The following EIF4G1 variants were observed in gnomAD, a reference collection of about 807,000 sequenced individuals.
EIF4G1 encodes eukaryotic translation initiation factor 4 gamma 1.
EIF4G1 carries 4 observed loss-of-function variants against 187.8 expected under a neutral mutation model. That is an observed-to-expected ratio of 0.02 (90% CI 0.01 to 0.05). The LOEUF (loss-of-function observed/expected upper bound fraction) is 0.05, where lower values mean the gene tolerates loss of function less well. Among genes scored for constraint, EIF4G1 ranks in the 10% least tolerant of loss-of-function variants. EIF4G1 has a pLI of 1.00. For missense variants in EIF4G1, 1,647 were observed against 2,081.1 expected, an observed-to-expected ratio of 0.79 and a Z score of 4.06; for synonymous variants, 844 against 781.4, an observed-to-expected ratio of 1.08 and a Z score of -1.34.
chr3:184,316,850 AG>A, intron 4 of EIF4G1: 2 of 1,149,788 alleles, frequency 1.7e-6, no homozygotes, highest in Non-Finnish European at 2.5e-6. Context: ...TTTGGTGTCC[AG>A]GTTCTCAGTT....
rs375674416 is a variant in EIF4G1 at position 184,331,246 on chromosome 3, G to A, written c.4162-20G>A. 6.2e-7 allele frequency: 1 copy of A among 1,613,812 alleles called. No individual in the cohort carries two copies. ...GAGAGAGAGAGCTTTGGTAAGCTGG[G>A]TTGGTCTTGTGTTTTCCAGGGTCCT... On this transcript the variant is annotated intron_variant, in intron 28 of 32. Coordinates refer to ENST00000346169, the MANE Select transcript of EIF4G1 (RefSeq NM_198241.3).
intron 4 of EIF4G1, chr3:184,316,849 C>A: frequency 8.7e-7 from 1 of 1,146,920 alleles, no homozygotes; most frequent in Non-Finnish European, 1.3e-6. Context: ...GTTTGGTGTC[C>A]AGGTTCTCAG....
rs533086445 is a variant in EIF4G1, at chr3:184,315,347, G to T, written c.-91-142G>T. The T allele has an allele frequency of 2.3e-5, 12 of 519,332 alleles. No individual in the cohort carries two copies. The Admixed American group carries it at 2.3e-4, about 10-fold the overall frequency. The allele number at this position is 519,332 out of a possible 1,614,324, so 32.2% of individuals were successfully genotyped here. A position where few individuals can be genotyped will look rare whatever the true frequency, so the allele number is the denominator to read the frequency against. On this transcript the variant is annotated intron_variant, in intron 1 of 32. Transcript: ENST00000346169. The stretch of plus-strand genomic sequence containing the variant: ...CCAGGCCCGAACCCGGTGTCCCCGG[G>T]TGGGGGGTGGGGACGCCACGGCCGA...
Position 184,328,013 on chromosome 3 carries a change from C to T in EIF4G1, c.3953+11C>T. ...TCAGTACTACCAAGGGTATGACCAG[C>T]TTCTCTGGGCCTCCCACTTATACAG... On this transcript the variant is annotated intron_variant, in intron 26 of 32. Coordinates refer to ENST00000346169, the MANE Select transcript of EIF4G1 (RefSeq NM_198241.3). 3 of 1,601,722 alleles carry T rather than the reference C, an allele frequency of 1.9e-6. No individual in the cohort carries two copies. The highest frequency in any genetic ancestry group is 2.5e-6 in the Non-Finnish European group (3 of 1,179,896).
rs1472299805 is a variant in EIF4G1, at chr3:184,331,351, T to A, written c.4247T>A (p.Phe1416Tyr). The A allele has an allele frequency of 6.2e-7, 1 of 1,614,234 alleles. No homozygotes were observed. Among genetic ancestry groups the A allele is most frequent in the South Asian group, 1.1e-5 (1 of 91,086 alleles). ...CCTGAAGGCCAGGACATTGGTGCAT[T>A]CGTCGCTGAACAGGTTTGGGGATGG... ...FLPEGQDIGAFVAEQKVEYTL... is the reference protein window; with the variant it reads ...FLPEGQDIGAYVAEQKVEYTL... Residue 1416 changes from phenylalanine to tyrosine, a missense_variant, in exon 29 of 33, where the codon TTC (phenylalanine) becomes TAC (tyrosine). Phe to Tyr is a conservative substitution (Grantham distance 22). This residue lies in a region of EIF4G1 where 543 missense variants were observed against 638.0 expected (regional missense o/e 0.85). Transcript: ENST00000346169.
At chr3:184,318,317 CA>C (rs1723142735) in intron 6 of EIF4G1, among the ~76,000 whole-genome samples, 1 of 152,162 alleles carries the variant, frequency 6.6e-6, no homozygotes, top group Non-Finnish European at 1.5e-5. Context: ...TTGTCAAAAA[CA>C]AGTGGAATTT....
intron 28 of EIF4G1, 38 bp downstream of exon 28, chr3:184,329,028 G>C (rs763296886): frequency 6.2e-7 from 1 of 1,612,372 alleles, no homozygotes; most frequent in South Asian, 1.1e-5. Context: ...GCCTCCCACG[G>C]TGTGGTTTTG....
In EIF4G1 at chr3:184,322,733, A is replaced by G. The variant is rs981037329; in HGVS notation, c.1795+3A>G. On this transcript the variant is annotated splice_donor_region_variant and intron_variant, in intron 12 of 32. Coordinates refer to ENST00000346169, the MANE Select transcript of EIF4G1 (RefSeq NM_198241.3). ...ACAGAAGTATGAATATAAGTCAGGTATGCTGAAGAAAGGGTTGAGAATGGC... is the reference window on the plus strand; with the variant it reads ...ACAGAAGTATGAATATAAGTCAGGTGTGCTGAAGAAAGGGTTGAGAATGGC... The G allele has an allele frequency of 1.9e-6, 3 of 1,614,150 alleles. No individual in the cohort carries two copies. Among genetic ancestry groups the G allele is most frequent in the African/African-American group, 2.7e-5 (2 of 74,946 alleles).
At chr3:184,324,081 C>G (rs1344933241) in intron 16 of EIF4G1, 104 bp downstream of exon 16, 1 of 1,605,614 alleles carries the variant, frequency 6.2e-7, no homozygotes, top group Admixed American at 1.7e-5. Flanking sequence ...TGTGCCTCTT[C>G]CAGCTGGAAG....
At position 184,314,623 on chromosome 3, in the gene EIF4G1, A is replaced by G. The variant is rs983782891; in HGVS notation, c.-143A>G. On this transcript the variant is annotated 5_prime_UTR_variant, in exon 1 of 33. Coordinates refer to ENST00000346169, the MANE Select transcript of EIF4G1 (RefSeq NM_198241.3). ...GGGGAGCCGGAAATGGTTGTGGACT[A>G]CGTCTGTGCGGCTGCGTGGGGCTCG... is the stretch of plus-strand genomic sequence containing the variant. The G allele has an allele frequency of 6.6e-6, 1 of 151,884 alleles. No individual in the cohort carries two copies. The highest frequency in any genetic ancestry group is 1.5e-5 in the Non-Finnish European group (1 of 67,932). The allele number at this position is 151,884 out of a possible 1,614,324, so 9.4% of individuals were successfully genotyped here. A position where few individuals can be genotyped will look rare whatever the true frequency, so the allele number is the denominator to read the frequency against.
chr3:184,314,843 C>T (rs1016528134), intron 1 of EIF4G1, among the ~76,000 whole-genome samples, 169 bp downstream of exon 1: 4 of 149,896 alleles, frequency 2.7e-5, no homozygotes, highest in African/African-American at 9.8e-5. Context: ...CCCACGTGTG[C>T]CTGGCCCGGC....
chr3:184,332,093 G>A lies in EIF4G1; in HGVS notation c.4618+7G>A. On this transcript the variant is annotated splice_region_variant and intron_variant, in intron 32 of 32. Coordinates refer to ENST00000346169, the MANE Select transcript of EIF4G1 (RefSeq NM_198241.3). ...ACCTTAGAACAGCCTCCCAGTAAGA[G>A]CCAGGCCATGGGGACAGGGGTGGGG... 1.2e-6 allele frequency: 2 copies of A among 1,614,192 alleles called. No individual in the cohort carries two copies. Among genetic ancestry groups the A allele is most frequent in the Non-Finnish European group, 1.7e-6 (2 of 1,180,032 alleles).
rs968227245 is a variant in EIF4G1 at position 184,328,491 on chromosome 3, C to T, written c.3954-140C>T. ...AAACCATCTAAGGACACAGAGGTGG[C>T]CTTAGCTTGAAATAATTGTCCCCAT... On this transcript the variant is annotated intron_variant, in intron 26 of 32. Transcript: ENST00000346169. 3.4e-6 allele frequency: 4 copies of T among 1,187,732 alleles called. No homozygotes were observed. The African/African-American group carries it at 4.5e-5, about 13-fold the overall frequency. 73.6% of individuals were successfully genotyped at this position (1,187,732 alleles called of 1,614,324 possible).
chr3:184,333,966 G>A (rs1462757467), intron 32 of EIF4G1, among the ~76,000 whole-genome samples: 2 of 152,166 alleles, frequency 1.3e-5, no homozygotes, highest in Admixed American at 1.3e-4. Context: ...CCCCTAGGCA[G>A]TTTGTGACTT....
chr3:184,322,021 A>G lies in EIF4G1; in HGVS notation c.1437A>G (p.Gly479=). 1 of 1,614,130 alleles carries G rather than the reference A, an allele frequency of 6.2e-7. No individual in the cohort carries two copies. Among genetic ancestry groups the G allele is most frequent in the South Asian group, 1.1e-5 (1 of 91,086 alleles). Residue 479 remains glycine, a synonymous_variant, in exon 10 of 33, where the codon GGA becomes GGG. Transcript: ENST00000346169. ...GEAGEAESEK[G]GEELLPPEST... is the part of the protein sequence containing the mutation. Reference sequence around the variant, plus strand: ...CAGGAGAAGCTGAGAGTGAGAAAGGAGGAGAGGAACTGCTCCCCCCAGAGA... The same window carrying G: ...CAGGAGAAGCTGAGAGTGAGAAAGGGGGAGAGGAACTGCTCCCCCCAGAGA...
Position 184,320,958 on chromosome 3 carries a change from G to C in EIF4G1, c.662G>C (p.Gly221Ala). ...GGCGGTCTGGAGCCTCAAGCTAATG[G>C]GGAGACGCCCCAGGTTGCTGTCATT... is the stretch of plus-strand genomic sequence containing the variant. ...TGGGLEPQAN[G>A]ETPQVAVIVR... The change falls in exon 9 of 33, where the codon GGG (glycine) becomes GCG (alanine). Residue 221 changes from glycine (G) to alanine (A), a missense_variant. Gly to Ala is a moderately conservative substitution (Grantham distance 60). Transcript: ENST00000346169. The C allele has an allele frequency of 1.2e-6, 2 of 1,614,170 alleles. No individual in the cohort carries two copies. The highest frequency in any genetic ancestry group is 1.7e-6 in the Non-Finnish European group (2 of 1,180,038).
intron 10 of EIF4G1, 111 bp downstream of exon 10, chr3:184,322,214 A>G: frequency 1.3e-6 from 2 of 1,571,734 alleles, no homozygotes; most frequent in Admixed American, 1.7e-5. Context: ...AATGGAATCT[A>G]AGAACTAGAT....
At chr3:184,331,133 T>A in intron 28 of EIF4G1, 133 bp from the exon 29 acceptor site, 2 of 972,868 alleles carry the variant, frequency 2.1e-6, no homozygotes, top group Non-Finnish European at 3.3e-6. Flanking sequence ...TATTAGTATT[T>A]CTATAGCATC....
At chr3:184,329,103 A>G in intron 28 of EIF4G1, 113 bp downstream of exon 28, 1 of 1,282,356 alleles carries the variant, frequency 7.8e-7, no homozygotes, top group Non-Finnish European at 1.1e-6. Flanking sequence ...TGATGACAGG[A>G]TTGTGTTGGT....
Sources: allele counts gnomAD v4.1 joint callset (sites outside exome capture counted in the v4.1 genomes callset), GRCh38; gene constraint gnomAD v4.1.1; regional missense constraint gnomAD v4.1.1; transcripts MANE v1.5; gene names NCBI Gene and HGNC (gene_info 2026-07-23, HGNC 2026-07-21).